The following GALNT17 variants were observed in gnomAD, a reference collection of about 807,000 sequenced individuals.
GALNT17 encodes UDP-GalNAc:polypeptide N-acetylgalactosaminyltransferase-like 3.
GALNT17 carries 29 observed loss-of-function variants against 63.7 expected under a neutral mutation model. The ratio of observed to expected loss-of-function variants is 0.46; its 90% CI spans 0.34 to 0.62. The LOEUF (loss-of-function observed/expected upper bound fraction) is 0.62, where lower values mean the gene tolerates loss of function less well. Ranked by LOEUF, GALNT17 falls within the 20% of genes least tolerant of loss-of-function variation. The pLI is 0.01. For missense variants in GALNT17, 603 were observed against 799.6 expected, an observed-to-expected ratio of 0.75 and a Z score of 2.97; for synonymous variants, 305 against 318.3, an observed-to-expected ratio of 0.96 and a Z score of 0.45.
At chr7:71,259,116 G>A (rs1790337226) in intron 1 of GALNT17, among the ~76,000 whole-genome samples, 1 of 152,170 alleles carries the variant, frequency 6.6e-6, no homozygotes, top group Admixed American at 6.5e-5. Flanking sequence ...TTGAGTTCAT[G>A]GGGTAGGGCT....
intron 6 of GALNT17, among the ~76,000 whole-genome samples, chr7:71,590,904 T>C (rs2116915843): frequency 6.6e-6 from 1 of 152,016 alleles, no homozygotes; most frequent in East Asian, 1.9e-4. Context: ...GGATTACAGG[T>C]GCCCGCCACC....
chr7:71,288,982 A>T (rs1790927985), intron 1 of GALNT17, among the ~76,000 whole-genome samples: 1 of 152,184 alleles, frequency 6.6e-6, no homozygotes. Context: ...TGTATGGGGA[A>T]ATTGAGGTCT....
intron 9 of GALNT17, among the ~76,000 whole-genome samples, chr7:71,690,514 T>C (rs1562738180): frequency 6.6e-6 from 1 of 152,076 alleles, no homozygotes; most frequent in Non-Finnish European, 1.5e-5. Flanking sequence ...GATCAAGGAG[T>C]AATTTTGACC....
intron 5 of GALNT17, among the ~76,000 whole-genome samples, chr7:71,464,248 G>A (rs992775200): frequency 2.0e-5 from 3 of 152,128 alleles, no homozygotes; most frequent in African/African-American, 7.2e-5. Flanking sequence ...AGGGTATGGG[G>A]TGTTGAACTT....
chr7:71,519,299 T>A (rs1260405951), intron 5 of GALNT17, among the ~76,000 whole-genome samples: 10 of 152,214 alleles, frequency 6.6e-5, no homozygotes, highest in Admixed American at 6.5e-4. Flanking sequence ...ATTCATTAAT[T>A]CATCCAATCA....
chr7:71,663,657 T>A (rs779790418), intron 6 of GALNT17, among the ~76,000 whole-genome samples: 2 of 152,194 alleles, frequency 1.3e-5, no homozygotes, highest in Non-Finnish European at 2.9e-5. Context: ...ATGGGAGAAT[T>A]TTCTATCTGT....
rs2867475 is a variant in GALNT17, at chr7:71,617,973, C to T, written c.1080+46571C>T. On this transcript the variant is annotated intron_variant, in intron 6 of 10. Transcript: ENST00000333538. The stretch of plus-strand genomic sequence containing the variant: ...ATAGATCGTTTTTTTAACCCACCCC[C>T]TGCAAACCCTCTAGTAGTCCACAAT... Among the ~76,000 whole-genome samples the T allele has an allele frequency of 5.5e-4, 83 of 152,174 alleles. 2 individuals carry two copies. The East Asian group carries it at 0.016, about 29-fold the overall frequency.
intron 2 of GALNT17, among the ~76,000 whole-genome samples, chr7:71,354,319 C>G (rs901219342): frequency 1.3e-5 from 2 of 152,102 alleles, no homozygotes; most frequent in Non-Finnish European, 2.9e-5. Flanking sequence ...GACAGAAGTG[C>G]CTCTAGTGTT....
chr7:71,641,857 C>A lies in GALNT17; in HGVS notation c.1081-23554C>A, dbSNP rs146653655. 2.1e-3 allele frequency among the ~76,000 whole-genome samples: 316 copies of A among 152,204 alleles called. 4 individuals are homozygous for A. The highest frequency in any genetic ancestry group is 7.5e-3 in the Admixed American group (115 of 15,294). On this transcript the variant is annotated intron_variant, in intron 6 of 10. Coordinates refer to ENST00000333538, the MANE Select transcript of GALNT17 (RefSeq NM_022479.3). ...GTGGATGGTGAGGATGCTGCTGCTGCTGCTGATGATGATGATGTTCTTGAT... is the reference window on the plus strand; with the variant it reads ...GTGGATGGTGAGGATGCTGCTGCTGATGCTGATGATGATGATGTTCTTGAT...
chr7:71,444,414 T>C (rs1490374414), intron 5 of GALNT17, among the ~76,000 whole-genome samples: 1 of 152,114 alleles, frequency 6.6e-6, no homozygotes, highest in East Asian at 1.9e-4. Flanking sequence ...AACCATCAGG[T>C]TCATGAGGGT....
intron 5 of GALNT17, among the ~76,000 whole-genome samples, chr7:71,564,306 A>G (rs1326517535): frequency 1.1e-5 from 1 of 93,070 alleles, no homozygotes; most frequent in African/African-American, 3.7e-5. Context: ...TTTTTTTGAG[A>G]TGGAGTCTCA....
chr7:71,615,952 A>G (rs1790195756), intron 6 of GALNT17, among the ~76,000 whole-genome samples: 1 of 152,136 alleles, frequency 6.6e-6, no homozygotes, highest in Admixed American at 6.6e-5. Flanking sequence ...ACCTCTGTCC[A>G]GGGCAGGTGT....
At chr7:71,505,180 C>A (rs1178118405) in intron 5 of GALNT17, among the ~76,000 whole-genome samples, 1 of 152,198 alleles carries the variant, frequency 6.6e-6, no homozygotes, top group Non-Finnish European at 1.5e-5. Flanking sequence ...CACCTCGTGG[C>A]CTTCCTCCTC....
At chr7:71,658,686 A>G (rs969117347) in intron 6 of GALNT17, among the ~76,000 whole-genome samples, 3 of 152,020 alleles carry the variant, frequency 2.0e-5, no homozygotes, top group Non-Finnish European at 2.9e-5. Flanking sequence ...TCAGGAGTTC[A>G]AGACCGGTCT....
At chr7:71,377,114 A>AAAAAATAGATATATATAT in intron 2 of GALNT17, among the ~76,000 whole-genome samples, 1 of 57,486 alleles carries the variant, frequency 1.7e-5, no homozygotes, top group African/African-American at 9.4e-5. Flanking sequence ...AAATAAAAAA[A>AAAAAATAGATATATATAT]ATATATATAT....
chr7:71,572,940 G>C (rs964760001), intron 6 of GALNT17, among the ~76,000 whole-genome samples: 1 of 152,074 alleles, frequency 6.6e-6, no homozygotes, highest in African/African-American at 2.4e-5. Context: ...ACCCCTGTAC[G>C]ACCAGATTGT....
intron 6 of GALNT17, among the ~76,000 whole-genome samples, chr7:71,597,318 C>T (rs904110379): frequency 7.2e-5 from 11 of 152,018 alleles, no homozygotes; most frequent in African/African-American, 2.2e-4. Flanking sequence ...GGATTACAGG[C>T]GTGAGCCACC....
At chr7:71,579,244 A>T (rs1789588050) in intron 6 of GALNT17, among the ~76,000 whole-genome samples, 1 of 152,180 alleles carries the variant, frequency 6.6e-6, no homozygotes, top group Non-Finnish European at 1.5e-5. Flanking sequence ...TTGAGATTTC[A>T]CAAACTGGTC....
intron 5 of GALNT17, among the ~76,000 whole-genome samples, chr7:71,450,360 G>A (rs573760173): frequency 6.4e-4 from 97 of 152,004 alleles, no homozygotes; most frequent in Non-Finnish European, 5.3e-4. Context: ...GTCTCGTCGC[G>A]ACCTCAAGTG....
Sources: allele counts gnomAD v4.1 joint callset (sites outside exome capture counted in the v4.1 genomes callset), GRCh38; gene constraint gnomAD v4.1.1; transcripts MANE v1.5; gene names NCBI Gene and HGNC (gene_info 2026-07-23, HGNC 2026-07-21).